ARHGEF7: variants seen among roughly 807,000 people sequenced by gnomAD.
The protein encoded by ARHGEF7 is Rho guanine nucleotide exchange factor 7.
Under a neutral mutation model 109.8 loss-of-function variants are expected in ARHGEF7, and 33 were observed. The observed-to-expected ratio is 0.30, with a 90% CI of 0.23 to 0.40. The LOEUF (loss-of-function observed/expected upper bound fraction) is 0.40, where lower values mean the gene tolerates loss of function less well. Among genes scored for constraint, ARHGEF7 ranks in the 10% least tolerant of loss-of-function variants. ARHGEF7 has a pLI of 1.00. For missense variants in ARHGEF7, 938 were observed against 1,098.5 expected, an observed-to-expected ratio of 0.85 and a Z score of 2.07; for synonymous variants, 458 against 424.6, an observed-to-expected ratio of 1.08 and a Z score of -0.97.
At position 111,258,280 on chromosome 13, in the gene ARHGEF7, C is replaced by T. The variant is rs2090676210; in HGVS notation, c.951-9268C>T. 1.3e-5 allele frequency among the ~76,000 whole-genome samples: 2 copies of T among 151,278 alleles called. No homozygotes were observed. Among genetic ancestry groups the T allele is most frequent in the East Asian group, 3.9e-4 (2 of 5,118 alleles). On this transcript the variant is annotated intron_variant, in intron 8 of 21. Coordinates refer to ENST00000646102, the MANE Select transcript of ARHGEF7 (RefSeq NM_001354046.2). This position sits in a 1 kb window ranked among gnomAD's most constrained non-coding sequence, Gnocchi z 4.4. ...CTCCCACAACCACAGGCAGTGCAGC[C>T]TGCAGCTCCAGTGAGACTCCTCCCA...
intron 2 of ARHGEF7, among the ~76,000 whole-genome samples, chr13:111,167,704 C>T (rs1315259771): frequency 6.6e-6 from 1 of 152,326 alleles, no homozygotes; most frequent in South Asian, 2.1e-4. Context: ...TCTTCTCTCT[C>T]CCTCCTAAAT....
chr13:111,123,047 C>G (rs1490272624), intron 1 of ARHGEF7, among the ~76,000 whole-genome samples: 1 of 152,182 alleles, frequency 6.6e-6, no homozygotes, highest in Non-Finnish European at 1.5e-5. Flanking sequence ...AATTCTCCAA[C>G]CCTCCCATGC....
intron 2 of ARHGEF7, among the ~76,000 whole-genome samples, chr13:111,175,914 C>T (rs543523690): frequency 1.8e-4 from 27 of 152,264 alleles, no homozygotes; most frequent in African/African-American, 4.6e-4. Context: ...CTTTACATGG[C>T]GGCAGGAAGG....
At chr13:111,182,177 G>C (rs1001400568) in intron 2 of ARHGEF7, 3 of 152,192 alleles carry the variant, frequency 2.0e-5, no homozygotes, top group Non-Finnish European at 2.9e-5. Flanking sequence ...TCACGGTGTC[G>C]AGCGTGCTGG....
intron 1 of ARHGEF7, among the ~76,000 whole-genome samples, chr13:111,116,122 A>T (rs2066753353): frequency 6.6e-6 from 1 of 151,820 alleles, no homozygotes; most frequent in Admixed American, 6.6e-5. Flanking sequence ...GCGTTGCGTG[A>T]GTTTCGCCTC....
chr13:111,259,209 T>G lies in ARHGEF7; in HGVS notation c.951-8339T>G, dbSNP rs148123058. Among the ~76,000 whole-genome samples, 109 of 152,296 alleles carry G rather than the reference T, an allele frequency of 7.2e-4. 1 individual carries two copies. The East Asian group carries it at 0.013, about 19-fold the overall frequency. ...CCCATCTGGCTTTGCCACCTGCCGA[T>G]TGTAGTGCCCCAGGGTCTTGAGCAA... On this transcript the variant is annotated intron_variant, in intron 8 of 21. Transcript: ENST00000646102.
chr13:111,118,334 C>T (rs1401976364), intron 1 of ARHGEF7, among the ~76,000 whole-genome samples: 2 of 152,240 alleles, frequency 1.3e-5, no homozygotes, highest in African/African-American at 2.4e-5. Context: ...AAACTTTCCA[C>T]CCAGGTTCCC....
chr13:111,240,396 G>A (rs903676667), intron 6 of ARHGEF7, among the ~76,000 whole-genome samples: 15 of 152,176 alleles, frequency 9.9e-5, no homozygotes, highest in African/African-American at 3.6e-4. Context: ...CTAACGTTCC[G>A]AGGTATTGGT....
chr13:111,168,301 C>T (rs773742382), intron 2 of ARHGEF7, among the ~76,000 whole-genome samples: 1 of 152,294 alleles, frequency 6.6e-6, no homozygotes, highest in Non-Finnish European at 1.5e-5. Flanking sequence ...CCCCACTGTG[C>T]GACAGCTGTG....
At chr13:111,181,298 C>T (rs1277878726) in intron 2 of ARHGEF7, among the ~76,000 whole-genome samples, 1 of 152,122 alleles carries the variant, frequency 6.6e-6, no homozygotes, top group African/African-American at 2.4e-5. Context: ...CAAGTTGTCC[C>T]AACTTCAAAT....
chr13:111,287,962 G>C (rs115638490), intron 17 of ARHGEF7, among the ~76,000 whole-genome samples: 3,265 of 152,324 alleles, frequency 0.021, 120 homozygotes, highest in African/African-American at 0.075. Context: ...ACACGAAAAT[G>C]TTTTAATTTT....
rs138360134 is a variant in ARHGEF7, at chr13:111,196,426, A to T, written c.253-8863A>T. On this transcript the variant is annotated intron_variant, in intron 2 of 21. Coordinates refer to ENST00000646102, the MANE Select transcript of ARHGEF7 (RefSeq NM_001354046.2). ...TCTTTTCATTAAAGACTAGGGTTTGATCTAACAATAGCATGACATCTCTCC... is the reference window on the plus strand; with the variant it reads ...TCTTTTCATTAAAGACTAGGGTTTGTTCTAACAATAGCATGACATCTCTCC... Among the ~76,000 whole-genome samples, 983 of 152,326 alleles carry T rather than the reference A, an allele frequency of 6.5e-3. 14 individuals are homozygous for T. Among genetic ancestry groups the T allele is most frequent in the African/African-American group, 0.023 (944 of 41,564 alleles).
chr13:111,269,333 C>T (rs2091945481), intron 9 of ARHGEF7, among the ~76,000 whole-genome samples: 1 of 152,170 alleles, frequency 6.6e-6, no homozygotes, highest in Non-Finnish European at 1.5e-5. Context: ...GGAAGATGAA[C>T]AGAAAGTTCA....
At chr13:111,250,931 C>G (rs887605185) in intron 8 of ARHGEF7, among the ~76,000 whole-genome samples, 2 of 152,204 alleles carry the variant, frequency 1.3e-5, no homozygotes, top group African/African-American at 4.8e-5. Flanking sequence ...TTCAGCAACC[C>G]AAAATCTCTC....
rs79303027 is a variant in ARHGEF7, at chr13:111,301,455, G to A, written c.2412-23G>A. On this transcript the variant is annotated intron_variant, in intron 20 of 21. Transcript: ENST00000646102. Reference sequence around the variant, plus strand: ...TCCATGCCTCACCTTGTTCATGTGTGTGTGTTCTGTTTCCTGTTTCAGGAG... The same window carrying A: ...TCCATGCCTCACCTTGTTCATGTGTATGTGTTCTGTTTCCTGTTTCAGGAG... 7,014 of 1,608,762 alleles carry A rather than the reference G, an allele frequency of 4.4e-3. 285 individuals carry two copies. The African/African-American group carries it at 0.085, about 19-fold the overall frequency.
chr13:111,164,573 C>T (rs928538706), intron 2 of ARHGEF7, among the ~76,000 whole-genome samples: 7 of 152,198 alleles, frequency 4.6e-5, no homozygotes, highest in African/African-American at 1.4e-4. Flanking sequence ...ATTTCCAATT[C>T]GTGCTGGACC....
intron 8 of ARHGEF7, among the ~76,000 whole-genome samples, chr13:111,246,711 T>C (rs942503996): frequency 2.0e-5 from 3 of 152,242 alleles, no homozygotes; most frequent in African/African-American, 7.2e-5. Context: ...TGATTTTCTT[T>C]TGGTGAATGA....
rs909350398 is a variant in ARHGEF7 at position 111,155,007 on chromosome 13, T to TA, written c.252+1025dup. Among the ~76,000 whole-genome samples the TA allele has an allele frequency of 3.6e-4, 54 of 151,194 alleles. 1 individual carries two copies. Among genetic ancestry groups the TA allele is most frequent in the Admixed American group, 1.8e-3 (28 of 15,190 alleles). ...AATACTGGAGGAGGGGGAAACCAATTAAAAAAAAACAATAAAAAACAACAC... is the reference window on the plus strand; with the variant it reads ...AATACTGGAGGAGGGGGAAACCAATTAAAAAAAAAACAATAAAAAACAACAC... On this transcript the variant is annotated intron_variant, in intron 2 of 21. Coordinates refer to ENST00000646102, the MANE Select transcript of ARHGEF7 (RefSeq NM_001354046.2).
intron 2 of ARHGEF7, among the ~76,000 whole-genome samples, chr13:111,156,987 G>T (rs141278817): frequency 6.6e-6 from 1 of 152,264 alleles, no homozygotes; most frequent in East Asian, 1.9e-4. Flanking sequence ...GCTAAGATTT[G>T]TTAAAGGGAA....
Sources: allele counts gnomAD v4.1 joint callset (sites outside exome capture counted in the v4.1 genomes callset), GRCh38; gene constraint gnomAD v4.1.1; non-coding constraint Gnocchi (gnomAD v3.1); transcripts MANE v1.5; gene names NCBI Gene and HGNC (gene_info 2026-07-23, HGNC 2026-07-21).